Variants in CYP4Z1 observed in about 807,000 individuals in gnomAD.
CYP4Z1 encodes cytochrome P450 4Z1.
A neutral mutation model predicts 54.2 loss-of-function variants in CYP4Z1; 41 were observed. The ratio of observed to expected loss-of-function variants is 0.76; its 90% CI spans 0.59 to 0.98. CYP4Z1 has a LOEUF of 0.98. Among genes scored for constraint, CYP4Z1 ranks in the 50% least tolerant of loss-of-function variants. The probability of loss-of-function intolerance (pLI) is 0.00; values close to 1 mark genes in which losing one functional copy is unlikely to be tolerated. For synonymous variants in CYP4Z1, 163 were observed against 206.2 expected (o/e 0.79, Z 1.79); for missense variants, 513 against 599.0 (o/e 0.86, Z 1.50).
chr1:47,063,898 G>A (rs1055723518), upstream of CYP4Z1, among the ~76,000 whole-genome samples: 2 of 151,990 alleles, frequency 1.3e-5, no homozygotes, highest in Non-Finnish European at 2.9e-5. Flanking sequence ...GAACACCTGG[G>A]AAATTCATCA....
intron 9 of CYP4Z1, among the ~76,000 whole-genome samples, chr1:47,108,734 C>T (rs1450605381): frequency 3.9e-5 from 6 of 152,148 alleles, no homozygotes; most frequent in African/African-American, 1.4e-4. Flanking sequence ...CTATGATGTG[C>T]AAAATGTCCA....
the CYP4Z1 span, among the ~76,000 whole-genome samples, chr1:47,057,728 T>TA: frequency 6.6e-6 from 1 of 151,958 alleles, no homozygotes; most frequent in Non-Finnish European, 1.5e-5. Flanking sequence ...TAAGTCTTTT[T>TA]AAAAATCATT....
Position 47,099,101 on chromosome 1 carries a change from A to T in CYP4Z1, c.884A>T (p.Asn295Ile). The T allele has an allele frequency of 6.2e-7, 1 of 1,614,064 alleles. No homozygotes were observed. The highest frequency in any genetic ancestry group is 8.5e-7 in the Non-Finnish European group (1 of 1,179,956). Residue 295 changes from asparagine (N) to isoleucine (I), a missense_variant, in exon 8 of 12, where the codon AAC becomes ATC. Transcript: ENST00000334194. ...LDILLSAKSENTKDFSEADLQ... is the reference protein window; with the variant it reads ...LDILLSAKSEITKDFSEADLQ... ...CATCACTGTATTTTTTAGAGCGAAAACACCAAAGATTTCTCTGAAGCAGAT... is the reference window on the plus strand; with the variant it reads ...CATCACTGTATTTTTTAGAGCGAAATCACCAAAGATTTCTCTGAAGCAGAT...
chr1:47,098,969 T>C, intron 7 of CYP4Z1, 125 bp from the exon 8 acceptor site: 3 of 1,136,666 alleles, frequency 2.6e-6, no homozygotes, highest in South Asian at 1.5e-5. Flanking sequence ...GAAAAATATA[T>C]GCCAAATTAG....
chr1:47,115,301 T>G, intron 9 of CYP4Z1: 1 of 367,442 alleles, frequency 2.7e-6, no homozygotes, highest in Non-Finnish European at 5.1e-6. Context: ...TGTTGTGGGG[T>G]GGAGGGAGGG....
intron 6 of CYP4Z1, among the ~76,000 whole-genome samples, chr1:47,093,579 C>T (rs1284631427): frequency 5.9e-5 from 9 of 152,252 alleles, no homozygotes; most frequent in African/African-American, 1.7e-4. Flanking sequence ...AAAATGGTTC[C>T]GGTTAACTTC....
chr1:47,097,820 A>ATTTTTTT (rs35258883), intron 7 of CYP4Z1, among the ~76,000 whole-genome samples: 1 of 128,418 alleles, frequency 7.8e-6, no homozygotes, highest in African/African-American at 3.0e-5. Context: ...GTTCCATATG[A>ATTTTTTT]TTTTTTTTTT....
intron 6 of CYP4Z1, among the ~76,000 whole-genome samples, chr1:47,089,715 G>A (rs1233454845): frequency 2.0e-5 from 3 of 152,176 alleles, no homozygotes; most frequent in African/African-American, 7.2e-5. Flanking sequence ...CAGTGCTGCA[G>A]GCAGAACCAC....
the CYP4Z1 span, among the ~76,000 whole-genome samples, chr1:47,057,327 G>GAAAAAAAAAAA: frequency 0.023 from 407 of 17,914 alleles, 53 homozygotes; most frequent in Middle Eastern, 0.042. Context: ...TACTTCTTAA[G>GAAAAAAAAAAA]AAAAAAAAAT....
Position 47,106,230 on chromosome 1 carries a change from C to T in CYP4Z1, c.1170C>T (p.Ile390=), listed in dbSNP as rs4926802. 606,287 of 1,586,262 alleles carry T rather than the reference C, an allele frequency of 0.38. 120,860 individuals carry two copies. Among genetic ancestry groups the T allele is most frequent in the East Asian group, 0.96 (42,714 of 44,434 alleles). Residue 390 remains isoleucine, a synonymous_variant, in exon 9 of 12, where the codon ATC becomes ATT. Transcript: ENST00000334194. Reference sequence around the variant, plus strand: ...TATCCCGGTTACTCGACAAACCCATCACCTTTCCAGATGGACGCTCCTTAC... The same window carrying T: ...TATCCCGGTTACTCGACAAACCCATTACCTTTCCAGATGGACGCTCCTTAC... The part of the protein sequence containing the change: ...VNISRLLDKP[I]TFPDGRSLPA...
intron 6 of CYP4Z1, among the ~76,000 whole-genome samples, chr1:47,087,385 T>C (rs1261529122): frequency 1.3e-5 from 2 of 152,232 alleles, no homozygotes; most frequent in Non-Finnish European, 2.9e-5. Flanking sequence ...CAGTAGTTTA[T>C]AGTTCTCCTT....
chr1:47,082,465 A>G lies in CYP4Z1; in HGVS notation c.492+4A>G. ...TGAGAGTGTTCGGATGATGCTGGTA[A>G]GAGGAGAAGAGAGCATTCGTACCTG... On this transcript the variant is annotated splice_donor_region_variant and intron_variant, in intron 4 of 11. Transcript: ENST00000334194. The G allele has an allele frequency of 5.0e-6, 8 of 1,606,322 alleles. No individual in the cohort carries two copies. Among genetic ancestry groups the G allele is most frequent in the Non-Finnish European group, 6.8e-6 (8 of 1,176,476 alleles).
At position 47,072,567 on chromosome 1, in the gene CYP4Z1, A is replaced by G. The variant is rs1427919142; in HGVS notation, c.319+3804A>G. On this transcript the variant is annotated intron_variant, in intron 2 of 11. Transcript: ENST00000334194. The stretch of plus-strand genomic sequence containing the variant: ...AAATAATTGTATGAATTCAAGAGAT[A>G]CTAATGAATGTACCAATATTTTTGA... 1.7e-4 allele frequency among the ~76,000 whole-genome samples: 7 copies of G among 40,874 alleles called. No homozygotes were observed. The South Asian group carries it at 6.3e-3, about 37-fold the overall frequency. 26.8% of individuals were successfully genotyped at this position (40,874 alleles called of 152,430 possible).
At chr1:47,086,721 G>T (rs1644598059) in intron 6 of CYP4Z1, among the ~76,000 whole-genome samples, 1 of 152,110 alleles carries the variant, frequency 6.6e-6, no homozygotes, top group Non-Finnish European at 1.5e-5. Flanking sequence ...GTCAATTTTG[G>T]TTTCTGTTGC....
intron 8 of CYP4Z1, 135 bp from the exon 9 acceptor site, chr1:47,105,993 T>G (rs1471755470): frequency 2.8e-6 from 3 of 1,078,794 alleles, no homozygotes; most frequent in Admixed American, 4.9e-5. Context: ...TAAGACATAC[T>G]TGATACATCT....
At position 47,115,555 on chromosome 1, in the gene CYP4Z1, G is replaced by C; in HGVS notation, c.1228G>C (p.Ala410Pro). 6.2e-7 allele frequency: 1 copy of C among 1,613,232 alleles called. No homozygotes were observed. The highest frequency in any genetic ancestry group is 8.5e-7 in the Non-Finnish European group (1 of 1,179,702). The change falls in exon 10 of 12, where the codon GCT (alanine) becomes CCT (proline). Residue 410 changes from alanine to proline, a missense_variant. Ala to Pro is a conservative substitution (Grantham distance 27). Transcript: ENST00000334194. ...AGITVFINIW[A>P]LHHNPYFWED... ...AATAACTGTGTTTATCAATATTTGGGCTCTTCACCACAACCCCTATTTCTG... is the reference window on the plus strand; with the variant it reads ...AATAACTGTGTTTATCAATATTTGGCCTCTTCACCACAACCCCTATTTCTG...
chr1:47,115,972 C>T (rs1644827044), intron 10 of CYP4Z1, among the ~76,000 whole-genome samples: 1 of 152,054 alleles, frequency 6.6e-6, no homozygotes, highest in Non-Finnish European at 1.5e-5. Context: ...AGATTATGGA[C>T]TCTTTGCTTT....
At chr1:47,106,514 AC>A (rs1380562224) in intron 9 of CYP4Z1, among the ~76,000 whole-genome samples, 2 of 152,142 alleles carry the variant, frequency 1.3e-5, no homozygotes, top group East Asian at 3.9e-4. Context: ...GTGAAGCATC[AC>A]GGCTTTAATG....
chr1:47,062,779 G>C (rs1016074572), upstream of CYP4Z1, among the ~76,000 whole-genome samples: 1 of 151,758 alleles, frequency 6.6e-6, no homozygotes. Context: ...AAAGACGAAG[G>C]TCATAATCAC....
Sources: allele counts gnomAD v4.1 joint callset (sites outside exome capture counted in the v4.1 genomes callset), GRCh38; gene constraint gnomAD v4.1.1; transcripts MANE v1.5; gene names NCBI Gene and HGNC (gene_info 2026-07-23, HGNC 2026-07-21).